SLC2A9: variants seen among roughly 807,000 people sequenced by gnomAD.
SLC2A9 encodes solute carrier family 2 member 9, also known as solute carrier family 2, facilitated glucose transporter member 9.
In SLC2A9, 39 loss-of-function variants were observed where a neutral mutation model predicts 50.6. The observed-to-expected ratio is 0.77, with a 90% CI of 0.60 to 1.01. SLC2A9 has a LOEUF of 1.01. SLC2A9 is among the 50% of genes least tolerant of loss of function. SLC2A9 has a pLI of 0.00. For synonymous variants in SLC2A9, 324 were observed against 276.9 expected (o/e 1.17, Z -1.69); for missense variants, 686 against 677.6 (o/e 1.01, Z -0.14).
At chr4:9,816,234 A>G (rs779186581) in intron 3 of SLC2A9, among the ~76,000 whole-genome samples, 1 of 152,096 alleles carries the variant, frequency 6.6e-6, no homozygotes, top group Non-Finnish European at 1.5e-5. Context: ...ACATCACAAT[A>G]AAGCATCTTG....
chr4:10,013,973 T>C (rs904392880), intron 2 of SLC2A9, among the ~76,000 whole-genome samples: 10 of 152,144 alleles, frequency 6.6e-5, no homozygotes, highest in African/African-American at 2.4e-4. Context: ...TGTGAGCAGA[T>C]ACCCTCCCCG....
At position 9,782,625 on chromosome 4, in the gene SLC2A9, A is replaced by G; in HGVS notation, n.386-2560T>C. The G allele has an allele frequency of 2.5e-6, 4 of 1,614,004 alleles. No homozygotes were observed. In the South Asian group the frequency reaches 4.4e-5, roughly 18 times the overall value. ...CTGGACCTGCCAAACAACCTGGCCA[A>G]CTGGACGCCCTGGGAGGAGGACTTT... is the stretch of plus-strand genomic sequence containing the variant. On this transcript the variant is annotated intron_variant and non_coding_transcript_variant, in intron 3 of 3. Transcript: ENST00000503803.
chr4:10,007,568 C>A (rs1445722293), intron 2 of SLC2A9, among the ~76,000 whole-genome samples: 1 of 152,172 alleles, frequency 6.6e-6, no homozygotes. Flanking sequence ...TATTTGGCCC[C>A]AGGCAGAAGC....
At chr4:9,929,362 G>A (rs1745485697) in intron 6 of SLC2A9, among the ~76,000 whole-genome samples, 1 of 152,222 alleles carries the variant, frequency 6.6e-6, no homozygotes, top group South Asian at 2.1e-4. Context: ...TGGGCAAAGG[G>A]CATCAGTTCT....
Position 9,945,251 on chromosome 4 carries a change from G to A in SLC2A9, c.682-3206C>T, listed in dbSNP as rs111338560. On this transcript the variant is annotated intron_variant, in intron 5 of 11. Coordinates refer to ENST00000264784, the MANE Select transcript of SLC2A9 (RefSeq NM_020041.3). ...CTCACTGTGCTGTGGGCAAGTTATC[G>A]AAATGCCTATGCCTCAGTGTTCTCA... 3.3e-3 allele frequency among the ~76,000 whole-genome samples: 510 copies of A among 152,342 alleles called. 2 individuals carry two copies. Among genetic ancestry groups the A allele is most frequent in the Non-Finnish European group, 4.6e-3 (310 of 68,036 alleles).
At chr4:10,007,266 G>A (rs920605597) in intron 2 of SLC2A9, among the ~76,000 whole-genome samples, 13 of 152,224 alleles carry the variant, frequency 8.5e-5, no homozygotes, top group African/African-American at 2.4e-5. Context: ...TAGGTTTGCA[G>A]GTTTGTGGTG....
intron 11 of SLC2A9, among the ~76,000 whole-genome samples, chr4:9,829,229 C>A (rs957645086): frequency 1.3e-5 from 2 of 152,062 alleles, no homozygotes; most frequent in Admixed American, 6.6e-5. Context: ...CATTGTGAAA[C>A]CCCATCTCTA....
At chr4:9,831,841 C>T (rs766029012) in intron 11 of SLC2A9, among the ~76,000 whole-genome samples, 4 of 152,222 alleles carry the variant, frequency 2.6e-5, no homozygotes, top group Admixed American at 6.5e-5. Context: ...CACCTGCCTA[C>T]GGCCCCCTGA....
At chr4:9,824,631 C>T (rs1312227337), downstream of SLC2A9, among the ~76,000 whole-genome samples, 1 of 152,128 alleles carries the variant, frequency 6.6e-6, no homozygotes, top group East Asian at 1.9e-4. Context: ...GATTTTCTAT[C>T]TTCTCTGGTA....
At chr4:9,956,754 T>G (rs1224750525) in intron 5 of SLC2A9, among the ~76,000 whole-genome samples, 1 of 115,552 alleles carries the variant, frequency 8.7e-6, no homozygotes, top group Non-Finnish European at 1.8e-5. Context: ...GTGTATTGGG[T>G]ACCGAAAAAT....
At chr4:10,030,916 T>TA (rs34064943) in intron 1 of SLC2A9, among the ~76,000 whole-genome samples, 1 of 152,072 alleles carries the variant, frequency 6.6e-6, no homozygotes, top group Non-Finnish European at 1.5e-5. Flanking sequence ...AACTGGGGCT[T>TA]AGGGGCTCCC....
At chr4:9,983,538 G>A (rs1192129782) in intron 4 of SLC2A9, among the ~76,000 whole-genome samples, 3 of 152,094 alleles carry the variant, frequency 2.0e-5, no homozygotes, top group Non-Finnish European at 4.4e-5. Context: ...GTGAGACCAG[G>A]CCACCTGCTA....
At chr4:9,852,597 CCAGT>C (rs1269597348) in intron 10 of SLC2A9, among the ~76,000 whole-genome samples, 2 of 152,146 alleles carry the variant, frequency 1.3e-5, no homozygotes, top group Non-Finnish European at 2.9e-5. Context: ...AATTTTGTAG[CCAGT>C]CAAACTAAGC....
intron 3 of SLC2A9, among the ~76,000 whole-genome samples, chr4:9,818,267 G>T (rs1251536235): frequency 2.0e-5 from 3 of 152,080 alleles, no homozygotes; most frequent in Admixed American, 1.3e-4. Flanking sequence ...AGGAACTTCT[G>T]CCCTTTTTAC....
intron 3 of SLC2A9, among the ~76,000 whole-genome samples, chr4:9,987,161 C>T (rs935137921): frequency 6.6e-6 from 1 of 152,088 alleles, no homozygotes; most frequent in South Asian, 2.1e-4. Context: ...GCTCTATCAC[C>T]CAGGCTGGAG....
intron 5 of SLC2A9, among the ~76,000 whole-genome samples, chr4:9,971,867 T>C (rs760398070): frequency 6.6e-6 from 1 of 152,222 alleles, no homozygotes; most frequent in Non-Finnish European, 1.5e-5. Context: ...CAAAGGCCAC[T>C]ACAACCTTAC....
intron 10 of SLC2A9, among the ~76,000 whole-genome samples, chr4:9,873,931 C>T (rs1429835950): frequency 6.6e-6 from 1 of 152,190 alleles, no homozygotes; most frequent in Non-Finnish European, 1.5e-5. Context: ...GGTTTATTCC[C>T]TCCTCTGCAG....
chr4:9,911,674 G>A (rs575916603), intron 7 of SLC2A9, among the ~76,000 whole-genome samples: 36 of 152,314 alleles, frequency 2.4e-4, no homozygotes, highest in Non-Finnish European at 3.4e-4. Flanking sequence ...GCAGGCAAGC[G>A]ATTTTGCATC....
chr4:9,956,226 G>A (rs1188675735), intron 5 of SLC2A9, among the ~76,000 whole-genome samples: 1 of 150,912 alleles, frequency 6.6e-6, no homozygotes, highest in East Asian at 2.0e-4. Context: ...GCTCACGCCT[G>A]TAATCCCAGC....
Sources: allele counts gnomAD v4.1 joint callset (sites outside exome capture counted in the v4.1 genomes callset), GRCh38; gene constraint gnomAD v4.1.1; transcripts MANE v1.5; gene names NCBI Gene and HGNC (gene_info 2026-07-23, HGNC 2026-07-21).